EFHC1: variants seen among roughly 807,000 people sequenced by gnomAD.
EFHC1 encodes EF-hand domain containing 1.
A neutral mutation model predicts 69.9 loss-of-function variants in EFHC1; 53 were observed. That is an observed-to-expected ratio of 0.76 (90% CI 0.61 to 0.95). EFHC1 has a LOEUF of 0.95. Among genes scored for constraint, EFHC1 ranks in the 40% least tolerant of loss-of-function variants. EFHC1 has a pLI of 0.00. For missense variants in EFHC1, 739 were observed against 798.7 expected, an observed-to-expected ratio of 0.93 and a Z score of 0.90; for synonymous variants, 256 against 278.4, an observed-to-expected ratio of 0.92 and a Z score of 0.80.
chr6:52,433,964 C>A (rs1764470901), intron 2 of EFHC1, among the ~76,000 whole-genome samples: 1 of 152,056 alleles, frequency 6.6e-6, no homozygotes, highest in East Asian at 1.9e-4. Flanking sequence ...GGGGGAAAGC[C>A]AGCAGTCATA....
intron 9 of EFHC1, chr6:52,484,022 GTTTTA>G (rs1765734761): frequency 1.3e-5 from 2 of 152,172 alleles, no homozygotes; most frequent in African/African-American, 4.8e-5. Context: ...AGAAGTTTTT[GTTTTA>G]TTTTGTTTTT....
At chr6:52,453,426 G>A (rs751417193) in intron 4 of EFHC1, 1 of 1,287,128 alleles carries the variant, frequency 7.8e-7, no homozygotes, top group South Asian at 1.2e-5. Flanking sequence ...GTACTAAAGG[G>A]AGAAAGAAAA....
chr6:52,463,387 G>A (rs916921147), intron 5 of EFHC1, among the ~76,000 whole-genome samples: 3 of 152,096 alleles, frequency 2.0e-5, no homozygotes, highest in African/African-American at 7.2e-5. Context: ...AATATCTTCA[G>A]CCATTAAAGA....
chr6:52,489,682 T>TA (rs1765855294), intron 9 of EFHC1, among the ~76,000 whole-genome samples: 1 of 152,188 alleles, frequency 6.6e-6, no homozygotes, highest in African/African-American at 2.4e-5. Flanking sequence ...GGAGAGGGAA[T>TA]AATATTAAAA....
chr6:52,477,050 A>C (rs1765558236), intron 7 of EFHC1, among the ~76,000 whole-genome samples: 1 of 152,086 alleles, frequency 6.6e-6, no homozygotes, highest in African/African-American at 2.4e-5. Context: ...TAAAGACAAT[A>C]ATTTTTTTAA....
chr6:52,474,326 T>C (rs1323476563), intron 7 of EFHC1, among the ~76,000 whole-genome samples: 1 of 152,082 alleles, frequency 6.6e-6, no homozygotes, highest in Non-Finnish European at 1.5e-5. Flanking sequence ...AATATGTACA[T>C]ATGAGAAGTT....
intron 6 of EFHC1, among the ~76,000 whole-genome samples, chr6:52,466,550 T>C (rs1283240565): frequency 1.3e-5 from 2 of 152,226 alleles, no homozygotes; most frequent in Non-Finnish European, 2.9e-5. Context: ...ACTTCTCTAT[T>C]ATATTAAATT....
intron 3 of EFHC1, among the ~76,000 whole-genome samples, chr6:52,445,065 G>GT (rs60349597): frequency 0.085 from 11,845 of 139,856 alleles, 915 homozygotes; most frequent in African/African-American, 0.21. Context: ...AGATTTTCCA[G>GT]TTTTTTTTTT....
At chr6:52,460,341 A>G (rs1765137227) in intron 5 of EFHC1, among the ~76,000 whole-genome samples, 1 of 152,228 alleles carries the variant, frequency 6.6e-6, no homozygotes, top group Admixed American at 6.5e-5. Context: ...AATAAGCAAA[A>G]TAGATCAGTG....
At chr6:52,448,130 TTTC>T (rs1764830083) in intron 3 of EFHC1, among the ~76,000 whole-genome samples, 1 of 152,212 alleles carries the variant, frequency 6.6e-6, no homozygotes, top group East Asian at 1.9e-4. Flanking sequence ...TCTGCAGAAG[TTTC>T]TGCTGCCTTT....
chr6:52,465,134 TTAGTG>T lies in EFHC1; in HGVS notation c.1137+21_1137+25del. 1.2e-6 allele frequency: 2 copies of T among 1,607,704 alleles called. No individual in the cohort carries two copies. The highest frequency in any genetic ancestry group is 4.5e-5 in the East Asian group (2 of 44,842). ...AAAACAGGTAATCAGATAGTACTTCTTAGTGTGGTGAGAAAACTAATTTTTTGAGG... is the reference window on the plus strand; with the variant it reads ...AAAACAGGTAATCAGATAGTACTTCTTGGTGAGAAAACTAATTTTTTGAGG... On this transcript the variant is annotated intron_variant, in intron 6 of 10. Coordinates refer to ENST00000371068, the MANE Select transcript of EFHC1 (RefSeq NM_018100.4).
chr6:52,454,961 G>A lies in EFHC1; in HGVS notation c.916+674G>A, dbSNP rs980474916. On this transcript the variant is annotated intron_variant, in intron 5 of 10. Transcript: ENST00000371068. Reference sequence around the variant, plus strand: ...ACAAAAATTAGCCATGCTTGGTGCCGCACACCTGTATTCCCAGCTACTTGG... The same window carrying A: ...ACAAAAATTAGCCATGCTTGGTGCCACACACCTGTATTCCCAGCTACTTGG... 6.6e-5 allele frequency among the ~76,000 whole-genome samples: 10 copies of A among 152,088 alleles called. No homozygotes were observed. In the East Asian group the frequency reaches 9.7e-4, roughly 15 times the overall value.
At chr6:52,443,085 C>A (rs10948698) in intron 3 of EFHC1, among the ~76,000 whole-genome samples, 20,812 of 152,176 alleles carry the variant, frequency 0.14, 1,787 homozygotes, top group East Asian at 0.45. Context: ...TAAATGTCTT[C>A]TTTTGAGAAG....
intron 4 of EFHC1, chr6:52,453,708 A>C: frequency 8.0e-7 from 1 of 1,250,752 alleles, no homozygotes; most frequent in Non-Finnish European, 1.0e-6. Context: ...TAATAAATAA[A>C]AATTTTTTCT....
chr6:52,421,686 G>A (rs1764194569), intron 1 of EFHC1, among the ~76,000 whole-genome samples: 1 of 152,190 alleles, frequency 6.6e-6, no homozygotes, highest in Non-Finnish European at 1.5e-5. Flanking sequence ...GAATGAAATC[G>A]AAAGTTTGGT....
chr6:52,480,566 T>C (rs1227677728), intron 9 of EFHC1, among the ~76,000 whole-genome samples: 1 of 152,186 alleles, frequency 6.6e-6, no homozygotes, highest in Non-Finnish European at 1.5e-5. Context: ...GGGTGATGAA[T>C]GCTGTAAAAA....
At chr6:52,477,129 C>G (rs1765561485) in intron 7 of EFHC1, among the ~76,000 whole-genome samples, 1 of 151,854 alleles carries the variant, frequency 6.6e-6, no homozygotes, top group Non-Finnish European at 1.5e-5. Flanking sequence ...CCGGTATGCC[C>G]CTGCTTAGAA....
chr6:52,442,148 G>A (rs575400113), intron 3 of EFHC1, among the ~76,000 whole-genome samples: 5 of 152,228 alleles, frequency 3.3e-5, no homozygotes, highest in Admixed American at 6.5e-5. Flanking sequence ...TTGGATAGAA[G>A]TTGTGGAAGA....
At chr6:52,426,339 C>T (rs1764300392) in intron 2 of EFHC1, among the ~76,000 whole-genome samples, 1 of 152,146 alleles carries the variant, frequency 6.6e-6, no homozygotes, top group Non-Finnish European at 1.5e-5. Context: ...ACCCTTCCTC[C>T]CTTCTTGAAA....
Sources: gnomAD v4.1 joint callset for allele counts (sites outside exome capture counted in the v4.1 genomes callset) on GRCh38, gnomAD v4.1.1 for gene constraint, MANE v1.5 for transcripts, NCBI Gene and HGNC (gene_info 2026-07-23, HGNC 2026-07-21) for gene names.